Variants in VIRMA observed in about 807,000 individuals in gnomAD.
VIRMA encodes the protein protein virilizer homolog.
VIRMA carries 65 observed loss-of-function variants against 182.4 expected under a neutral mutation model. That is an observed-to-expected ratio of 0.36 (90% CI 0.29 to 0.44). The LOEUF (loss-of-function observed/expected upper bound fraction) is 0.44, where lower values mean the gene tolerates loss of function less well. Among genes scored for constraint, VIRMA ranks in the 20% least tolerant of loss-of-function variants. VIRMA has a pLI of 1.00. For missense variants in VIRMA, 1,752 were observed against 2,158.1 expected (o/e 0.81, Z 3.73); for synonymous variants, 709 against 743.1 (o/e 0.95, Z 0.75).
chr8:94,519,379 C>T lies in VIRMA; in HGVS notation c.2119G>A (p.Val707Ile). ...HPGVLQATKD[V>I]LKFLAQSQKG... ...TGTGACTGTGCAAGAAACTTCAAAA[C>T]ATCTTTTGTGGCTTGCAGCACACCA... The change falls in exon 9 of 24, where the codon GTT becomes ATT. Residue 707 changes from valine (V) to isoleucine (I), a missense_variant. Val to Ile is a conservative substitution (Grantham distance 29). Transcript: ENST00000297591. The T allele has an allele frequency of 6.4e-7, 1 of 1,571,866 alleles. No individual in the cohort carries two copies. Among genetic ancestry groups the T allele is most frequent in the Non-Finnish European group, 8.6e-7 (1 of 1,163,768 alleles).
intron 22 of VIRMA, among the ~76,000 whole-genome samples, chr8:94,491,062 C>T (rs908469424): frequency 4.6e-5 from 7 of 151,288 alleles, no homozygotes; most frequent in Admixed American, 2.6e-4. Flanking sequence ...GCCTGTAATC[C>T]CAGCACTTTG....
Position 94,509,813 on chromosome 8 carries a change from C to T in VIRMA, c.3754G>A (p.Gly1252Ser). 2 of 1,614,088 alleles carry T rather than the reference C, an allele frequency of 1.2e-6. No individual in the cohort carries two copies. Among genetic ancestry groups the T allele is most frequent in the Non-Finnish European group, 1.7e-6 (2 of 1,179,980 alleles). ...AATATCTCTGCATATCTTTCATCAC[C>T]TTTAATAGTTCCATTAATTAGATGC... is the stretch of plus-strand genomic sequence containing the variant. The part of the protein sequence containing the change: ...ILHLINGTIK[G>S]DERYAEIFQD... The change falls in exon 15 of 24, where the codon GGT becomes AGT. Residue 1252 changes from glycine (G) to serine (S), a missense_variant. Coordinates refer to ENST00000297591, the MANE Select transcript of VIRMA (RefSeq NM_015496.5).
Position 94,493,435 on chromosome 8 carries a change from G to T in VIRMA, c.4642-617C>A, listed in dbSNP as rs150603400. ...CTTTTAACAAATATTTTATACCTGT[G>T]CTGCCCAACGTGGTAGCCACTAACA... On this transcript the variant is annotated intron_variant, in intron 20 of 23. Transcript: ENST00000297591. Among the ~76,000 whole-genome samples the T allele has an allele frequency of 1.1e-3, 169 of 152,272 alleles. 2 individuals are homozygous for T. The highest frequency in any genetic ancestry group is 1.3e-3 in the Admixed American group (20 of 15,290).
At chr8:94,551,590 T>C (rs1436283827) in intron 1 of VIRMA, among the ~76,000 whole-genome samples, 2 of 152,250 alleles carry the variant, frequency 1.3e-5, no homozygotes, top group South Asian at 2.1e-4. Context: ...ATCTGCCCTA[T>C]GCTCTCAAGG....
intron 8 of VIRMA, among the ~76,000 whole-genome samples, chr8:94,522,255 T>G (rs1814800239): frequency 6.6e-6 from 1 of 152,236 alleles, no homozygotes; most frequent in African/African-American, 2.4e-5. Context: ...TCTAAAGAGC[T>G]TCCTCAACAG....
rs1217386087 is a variant in VIRMA at position 94,496,458 on chromosome 8, C to T, written c.4253G>A (p.Gly1418Asp). 1.9e-6 allele frequency: 3 copies of T among 1,611,810 alleles called. No homozygotes were observed. ...DTIGCCGDDN[G>D]LMEVEGAHTS... Reference sequence around the variant, plus strand: ...ATGAGCTCCCTCTACTTCCATGAGACCATTATCATCTCCACAGCATCCCTG... The same window carrying T: ...ATGAGCTCCCTCTACTTCCATGAGATCATTATCATCTCCACAGCATCCCTG... Residue 1418 changes from glycine to aspartate, a missense_variant, in exon 18 of 24, where the codon GGT (glycine) becomes GAT (aspartate). This residue lies in a region of VIRMA where 777 missense variants were observed against 920.6 expected (regional missense o/e 0.84). Transcript: ENST00000297591.
intron 9 of VIRMA, among the ~76,000 whole-genome samples, chr8:94,518,159 A>G (rs539228816): frequency 1.3e-5 from 2 of 152,354 alleles, no homozygotes; most frequent in South Asian, 4.1e-4. Context: ...CATACATATC[A>G]CCATGGAAAG....
At chr8:94,492,097 G>GA (rs1439465341) in intron 21 of VIRMA, among the ~76,000 whole-genome samples, 188 bp from the exon 22 acceptor site, 3 of 151,910 alleles carry the variant, frequency 2.0e-5, no homozygotes, top group African/African-American at 7.3e-5. Flanking sequence ...TCATTGTTAT[G>GA]AATAACAATG....
chr8:94,530,978 G>A lies in VIRMA; in HGVS notation c.592C>T (p.Pro198Ser). Residue 198 changes from proline to serine, a missense_variant, in exon 6 of 24, where the codon CCT becomes TCT. By Grantham distance (74) the Pro-to-Ser change is moderately conservative. Around this residue, in one of 11 missense-constraint regions of VIRMA, gnomAD observed 114 missense variants for 106.9 expected, o/e 1.07. Coordinates refer to ENST00000297591, the MANE Select transcript of VIRMA (RefSeq NM_015496.5). ...TTATTTATACCTGGCAGAGGCACAG[G>A]ATCATCTTCATCATCATCAGGTGGA... Reference protein sequence around the residue: ...PPPPDDDEDDPVPLPVSGDKE... With the variant: ...PPPPDDDEDDSVPLPVSGDKE... 3 of 1,604,384 alleles carry A rather than the reference G, an allele frequency of 1.9e-6. No individual in the cohort carries two copies. The highest frequency in any genetic ancestry group is 2.6e-6 in the Non-Finnish European group (3 of 1,175,856).
chr8:94,535,047 T>C (rs753155046), intron 4 of VIRMA, 40 bp from the exon 5 acceptor site: 1 of 1,545,734 alleles, frequency 6.5e-7, no homozygotes. Context: ...TTCAAAGTCA[T>C]GTTTTAAAAT....
chr8:94,540,253 A>G (rs1303219520), intron 2 of VIRMA, among the ~76,000 whole-genome samples: 2 of 152,134 alleles, frequency 1.3e-5, no homozygotes, highest in Admixed American at 6.6e-5. Flanking sequence ...CATTCATTAG[A>G]CTATGTAGCT....
intron 17 of VIRMA, 181 bp downstream of exon 17, chr8:94,499,193 G>A (rs1563457227): frequency 2.4e-6 from 1 of 409,774 alleles, no homozygotes; most frequent in Non-Finnish European, 4.3e-6. Context: ...TCAAGACAGG[G>A]TCTCACTATT....
chr8:94,512,916 G>GGGCACA (rs1415289523), intron 11 of VIRMA, among the ~76,000 whole-genome samples: 1 of 152,188 alleles, frequency 6.6e-6, no homozygotes, highest in East Asian at 1.9e-4. Context: ...TAGCCAGGTG[G>GGGCACA]GGCACAGGTT....
At chr8:94,491,431 T>C in intron 22 of VIRMA, 147 bp downstream of exon 22, 1 of 701,226 alleles carries the variant, frequency 1.4e-6, no homozygotes, top group South Asian at 1.9e-5. Flanking sequence ...TAGAGTACTC[T>C]GCAAACAGTA....
intron 17 of VIRMA, chr8:94,497,434 T>C (rs1563679055): frequency 7.3e-6 from 1 of 137,062 alleles, no homozygotes. Context: ...TTTTCTTTTT[T>C]TTTCTTTTTT....
At chr8:94,546,844 C>A in intron 1 of VIRMA, 1 of 445,960 alleles carries the variant, frequency 2.2e-6, no homozygotes, top group Admixed American at 2.4e-5. Flanking sequence ...TATAAATGTA[C>A]CACTCCCCTG....
intron 2 of VIRMA, among the ~76,000 whole-genome samples, chr8:94,542,848 G>A (rs564326659): frequency 6.6e-6 from 1 of 152,212 alleles, no homozygotes; most frequent in South Asian, 2.1e-4. Context: ...CCACAATTAT[G>A]AAGAAATGAG....
At chr8:94,516,161 T>C (rs1221671713) in intron 10 of VIRMA, among the ~76,000 whole-genome samples, 1 of 152,084 alleles carries the variant, frequency 6.6e-6, no homozygotes, top group African/African-American at 2.4e-5. Context: ...TGTAACATAG[T>C]GTTTATTCAC....
Position 94,535,010 on chromosome 8 carries a change from G to A in VIRMA, c.316-3C>T. On this transcript the variant is annotated splice_region_variant and splice_polypyrimidine_tract_variant and intron_variant, in intron 4 of 23. Coordinates refer to ENST00000297591, the MANE Select transcript of VIRMA (RefSeq NM_015496.5). ...AGCACCAGACCATCAGTATTCACCT[G>A]ATTTTCAGGGAGGGCAAAAAAAATC... The A allele has an allele frequency of 6.4e-7, 1 of 1,555,132 alleles. No homozygotes were observed. Among genetic ancestry groups the A allele is most frequent in the Non-Finnish European group, 8.7e-7 (1 of 1,155,474 alleles).
Sources: allele counts gnomAD v4.1 joint callset (sites outside exome capture counted in the v4.1 genomes callset), GRCh38; gene constraint gnomAD v4.1.1; regional missense constraint gnomAD v4.1.1; transcripts MANE v1.5; gene names NCBI Gene and HGNC (gene_info 2026-07-23, HGNC 2026-07-21).